CTCF: variants seen among roughly 807,000 people sequenced by gnomAD.
CTCF encodes the protein CCCTC-binding factor, also known as transcriptional repressor CTCF.
CTCF carries 7 observed loss-of-function variants against 72.3 expected under a neutral mutation model. The observed-to-expected ratio is 0.10, with a 90% CI of 0.06 to 0.18. The LOEUF is 0.18. Among genes scored for constraint, CTCF ranks in the 10% least tolerant of loss-of-function variants. The pLI, the probability that CTCF is intolerant of heterozygous loss-of-function variation, is 1.00. For missense variants in CTCF, 516 were observed against 949.1 expected (o/e 0.54, Z 6.00); for synonymous variants, 374 against 315.8 (o/e 1.18, Z -1.95).
intron 10 of CTCF, among the ~76,000 whole-genome samples, chr16:67,631,379 G>A (rs1451203664): frequency 6.6e-6 from 1 of 151,974 alleles, no homozygotes; most frequent in African/African-American, 2.4e-5. Flanking sequence ...TGGCCAGGCT[G>A]GTCCAGAACC....
intron 10 of CTCF, among the ~76,000 whole-genome samples, chr16:67,636,455 C>T (rs868676261): frequency 2.1e-5 from 3 of 146,220 alleles, no homozygotes; most frequent in Non-Finnish European, 3.0e-5. Flanking sequence ...GGCTGAGCCA[C>T]GAGAATTGCT....
At chr16:67,589,031 C>T (rs1211276757) in intron 2 of CTCF, among the ~76,000 whole-genome samples, 1 of 151,994 alleles carries the variant, frequency 6.6e-6, no homozygotes, top group African/African-American at 2.4e-5. Context: ...ATGGCTCATG[C>T]CCATAATCCC....
chr16:67,572,153 C>G (rs1219925533), intron 2 of CTCF, among the ~76,000 whole-genome samples: 1 of 152,086 alleles, frequency 6.6e-6, no homozygotes, highest in Non-Finnish European at 1.5e-5. Context: ...CTGCCTGGAG[C>G]AAATAAAGAG....
Position 67,612,002 on chromosome 16 carries a change from G to A in CTCF, c.833G>A (p.Arg278His), listed in dbSNP as rs779012125. Residue 278 changes from arginine to histidine, a missense_variant, in exon 4 of 12, where the codon CGT becomes CAT. Physicochemically the swap from Arg to His is conservative, Grantham distance 29 (BLOSUM62 0). Transcript: ENST00000264010. ...CTTTGCAGTTACACGTGTCCACGGCGTTCAAATTTGGATCGTCACATGAAA... is the reference window on the plus strand; with the variant it reads ...CTTTGCAGTTACACGTGTCCACGGCATTCAAATTTGGATCGTCACATGAAA... ...CELCSYTCPR[R>H]SNLDRHMKSH... 4 of 1,614,000 alleles carry A rather than the reference G, an allele frequency of 2.5e-6. No homozygotes were observed. The highest frequency in any genetic ancestry group is 3.4e-6 in the Non-Finnish European group (4 of 1,180,010).
rs2052450990 is a variant in CTCF at position 67,637,783 on chromosome 16, G to A, written c.2095G>A (p.Gly699Arg). ...KKEPDAEPAE[G>R]EEEEAQPAAT... ...AGAGCCAGATGCTGAGCCCGCAGAG[G>A]GAGAGGAAGAGGAGGCCCAGCCAGC... The change falls in exon 12 of 12, where the codon GGA becomes AGA. Residue 699 changes from glycine to arginine, a missense_variant. Gly to Arg is a moderately radical substitution (Grantham distance 125, BLOSUM62 -2). This residue lies in a region of CTCF where 157 missense variants were observed against 172.9 expected (regional missense o/e 0.91). Coordinates refer to ENST00000264010, the MANE Select transcript of CTCF (RefSeq NM_006565.4). 1 of 1,613,378 alleles carries A rather than the reference G, an allele frequency of 6.2e-7. No individual in the cohort carries two copies. The highest frequency in any genetic ancestry group is 8.5e-7 in the Non-Finnish European group (1 of 1,180,028).
chr16:67,578,873 G>A (rs987827966), intron 2 of CTCF, among the ~76,000 whole-genome samples: 3 of 151,598 alleles, frequency 2.0e-5, no homozygotes, highest in South Asian at 4.2e-4. Flanking sequence ...GCTTCAACCC[G>A]GGAAGTGGAG....
chr16:67,594,577 G>A (rs1305395506), intron 2 of CTCF, among the ~76,000 whole-genome samples: 1 of 151,966 alleles, frequency 6.6e-6, no homozygotes, highest in Non-Finnish European at 1.5e-5. Flanking sequence ...ATAGTGATGC[G>A]TAAAAAAACT....
chr16:67,587,037 A>T (rs563845742), intron 2 of CTCF, among the ~76,000 whole-genome samples: 1 of 150,026 alleles, frequency 6.7e-6, no homozygotes, highest in East Asian at 2.0e-4. Context: ...TATAGGTGTG[A>T]GCCACTGTGC....
intron 5 of CTCF, 72 bp downstream of exon 5, chr16:67,616,950 A>G (rs768633802): frequency 1.3e-4 from 191 of 1,489,570 alleles, no homozygotes; most frequent in Admixed American, 2.2e-4. Context: ...AGCTATAACT[A>G]CTACCCAAAC....
At chr16:67,637,611 G>A (rs544959764) in intron 11 of CTCF, 77 bp from the exon 12 acceptor site, 5 of 1,240,296 alleles carry the variant, frequency 4.0e-6, no homozygotes, top group Admixed American at 4.2e-5. Flanking sequence ...CATCCCGTTC[G>A]CTGTCAGTCT....
chr16:67,619,932 A>C (rs2052180700), intron 5 of CTCF, among the ~76,000 whole-genome samples: 1 of 152,082 alleles, frequency 6.6e-6, no homozygotes, highest in Non-Finnish European at 1.5e-5. Flanking sequence ...TTTTAGTATA[A>C]GGTATCCTGC....
At chr16:67,601,796 C>T (rs553491665) in intron 2 of CTCF, among the ~76,000 whole-genome samples, 1 of 151,778 alleles carries the variant, frequency 6.6e-6, no homozygotes, top group African/African-American at 2.4e-5. Flanking sequence ...TCTTTTGTAC[C>T]ACTTCTTTTT....
intron 2 of CTCF, among the ~76,000 whole-genome samples, chr16:67,597,775 A>T (rs558720136): frequency 1.3e-5 from 2 of 152,302 alleles, no homozygotes; most frequent in African/African-American, 4.8e-5. Flanking sequence ...ATTTAAAATG[A>T]CAGCTTTTTA....
chr16:67,611,664 A>G (rs767366090), intron 3 of CTCF, 51 bp downstream of exon 3: 78 of 1,526,200 alleles, frequency 5.1e-5, no homozygotes, highest in Non-Finnish European at 6.7e-5. Flanking sequence ...TGGGATAAGC[A>G]TACAACACAG....
intron 2 of CTCF, among the ~76,000 whole-genome samples, chr16:67,608,014 G>A (rs1422294035): frequency 2.1e-5 from 2 of 94,354 alleles, no homozygotes; most frequent in East Asian, 2.3e-4. Context: ...GCGAGACTCC[G>A]ACTCAAAAAA....
At chr16:67,599,545 T>G (rs1482212419) in intron 2 of CTCF, among the ~76,000 whole-genome samples, 7 of 152,178 alleles carry the variant, frequency 4.6e-5, no homozygotes, top group African/African-American at 4.8e-5. Flanking sequence ...AGATGCCAGT[T>G]TTCCTTCCTT....
At chr16:67,567,101 C>G (rs2051353188) in intron 1 of CTCF, among the ~76,000 whole-genome samples, 1 of 152,128 alleles carries the variant, frequency 6.6e-6, no homozygotes, top group South Asian at 2.1e-4. Context: ...CTTGGCCTCC[C>G]AAAGTGCTGG....
intron 2 of CTCF, among the ~76,000 whole-genome samples, chr16:67,602,877 A>G (rs190382847): frequency 3.0e-4 from 46 of 151,868 alleles, no homozygotes; most frequent in African/African-American, 1.0e-3. Context: ...GAAAATCTTA[A>G]TGGGGAAACA....
chr16:67,598,759 C>T (rs1158579548), intron 2 of CTCF, among the ~76,000 whole-genome samples: 2 of 152,224 alleles, frequency 1.3e-5, no homozygotes, highest in East Asian at 3.8e-4. Context: ...CCCAAGTATA[C>T]CCAGCTTTCT....
Sources: allele counts gnomAD v4.1 joint callset (sites outside exome capture counted in the v4.1 genomes callset), GRCh38; gene constraint gnomAD v4.1.1; regional missense constraint gnomAD v4.1.1; transcripts MANE v1.5; gene names NCBI Gene and HGNC (gene_info 2026-07-23, HGNC 2026-07-21).